The following F13B variants were observed in gnomAD, a reference collection of about 807,000 sequenced individuals.
F13B encodes the protein TGase.
In F13B, 58 loss-of-function variants were observed where a neutral mutation model predicts 79.8. The observed-to-expected ratio is 0.73, with a 90% CI of 0.59 to 0.90. The LOEUF is 0.90. F13B is among the 40% of genes least tolerant of loss of function. The pLI, the probability that F13B is intolerant of heterozygous loss-of-function variation, is 0.00. For synonymous variants in F13B, 283 were observed against 260.3 expected, an observed-to-expected ratio of 1.09 and a Z score of -0.84; for missense variants, 773 against 777.0, an observed-to-expected ratio of 0.99 and a Z score of 0.06.
chr1:197,061,699 A>G, intron 3 of F13B, 85 bp downstream of exon 3: 1 of 1,084,570 alleles, frequency 9.2e-7, no homozygotes, highest in African/African-American at 1.6e-5. Flanking sequence ...ATTCTATTAA[A>G]TAATAGATAT....
chr1:197,039,236 G>T lies in F13B; in HGVS notation c.*142C>A. 2 of 678,910 alleles carry T rather than the reference G, an allele frequency of 2.9e-6. No individual in the cohort carries two copies. The highest frequency in any genetic ancestry group is 5.1e-6 in the Non-Finnish European group (2 of 394,510). The allele number at this position is 678,910 out of a possible 1,614,324, so 42.1% of individuals were successfully genotyped here. On this transcript the variant is annotated 3_prime_UTR_variant, in exon 12 of 12. Coordinates refer to ENST00000367412, the MANE Select transcript of F13B (RefSeq NM_001994.3). ...TTATTGGTTTTCATTTATAAATAAC[G>T]AAATGTTCAGCACAAATAATTTAGA... is the stretch of plus-strand genomic sequence containing the variant.
intron 5 of F13B, among the ~76,000 whole-genome samples, chr1:197,058,830 G>T (rs1382560350): frequency 6.6e-6 from 1 of 151,964 alleles, no homozygotes; most frequent in Non-Finnish European, 1.5e-5. Context: ...TATTGTTGTG[G>T]GCTGAATTAT....
At chr1:197,063,204 G>T in intron 1 of F13B, 147 bp from the exon 2 acceptor site, 1 of 671,884 alleles carries the variant, frequency 1.5e-6, no homozygotes. Context: ...GTACTTTTGT[G>T]ACAACTCAAG....
At chr1:197,063,080 T>C in intron 1 of F13B, 23 bp from the exon 2 acceptor site, 1 of 1,594,876 alleles carries the variant, frequency 6.3e-7, no homozygotes, top group Non-Finnish European at 8.6e-7. Context: ...AATGTCAAGC[T>C]GAAAATGGAA....
chr1:197,039,319 T>C lies in F13B; in HGVS notation c.*59A>G. 4 of 1,410,180 alleles carry C rather than the reference T, an allele frequency of 2.8e-6. No homozygotes were observed. The highest frequency in any genetic ancestry group is 4.0e-6 in the Non-Finnish European group (4 of 1,004,094). The allele number at this position is 1,410,180 out of a possible 1,614,324, so 87.4% of individuals were successfully genotyped here. On this transcript the variant is annotated 3_prime_UTR_variant, in exon 12 of 12. Coordinates refer to ENST00000367412, the MANE Select transcript of F13B (RefSeq NM_001994.3). ...TTTTTAACTTATTTCCTCAAAATTATATTTTATAAGGAATTTCATGATGTA... is the reference window on the plus strand; with the variant it reads ...TTTTTAACTTATTTCCTCAAAATTACATTTTATAAGGAATTTCATGATGTA...
At chr1:197,043,176 T>C (rs1441652424) in intron 10 of F13B, among the ~76,000 whole-genome samples, 2 of 152,084 alleles carry the variant, frequency 1.3e-5, no homozygotes, top group African/African-American at 4.8e-5. Context: ...CTCCCAGTAA[T>C]ATCAGAGACA....
At chr1:197,058,722 T>G (rs1223744355) in intron 5 of F13B, among the ~76,000 whole-genome samples, 2 of 152,172 alleles carry the variant, frequency 1.3e-5, no homozygotes, top group African/African-American at 4.8e-5. Flanking sequence ...CAAAGTGTCT[T>G]GTACCGTGTA....
At chr1:197,048,323 A>C (rs895039942) in intron 10 of F13B, among the ~76,000 whole-genome samples, 1 of 151,870 alleles carries the variant, frequency 6.6e-6, no homozygotes, top group African/African-American at 2.4e-5. Flanking sequence ...CTATTCCATT[A>C]CAAGGGAAAA....
Position 197,055,711 on chromosome 1 carries a change from T to C in F13B, c.1354+4A>G. 2 of 1,613,376 alleles carry C rather than the reference T, an allele frequency of 1.2e-6. No homozygotes were observed. The highest frequency in any genetic ancestry group is 1.7e-6 in the Non-Finnish European group (2 of 1,179,532). ...GTAGACATTCCATGTGTTCTCTTTC[T>C]TACCCAAGCAAACAGGTGGGGATGA... On this transcript the variant is annotated splice_donor_region_variant and intron_variant, in intron 8 of 11. Transcript: ENST00000367412.
At chr1:197,058,397 A>C (rs1240182605) in intron 5 of F13B, among the ~76,000 whole-genome samples, 3 of 152,182 alleles carry the variant, frequency 2.0e-5, no homozygotes, top group African/African-American at 7.2e-5. Context: ...ATCCTCCTAC[A>C]GTCCTAGAGG....
At chr1:197,053,140 T>C (rs1418447825) in intron 8 of F13B, among the ~76,000 whole-genome samples, 1 of 152,070 alleles carries the variant, frequency 6.6e-6, no homozygotes, top group Non-Finnish European at 1.5e-5. Context: ...TTAACTACCA[T>C]GTAGAAAATA....
chr1:197,060,207 A>C (rs908828690), intron 5 of F13B, among the ~76,000 whole-genome samples, 159 bp downstream of exon 5: 1 of 152,042 alleles, frequency 6.6e-6, no homozygotes, highest in Admixed American at 6.6e-5. Context: ...GATATATTAA[A>C]GATTGCTGAA....
In F13B at chr1:197,040,684, T is replaced by G. The variant is rs1655007979; in HGVS notation, c.1790A>C (p.Lys597Thr). Residue 597 changes from lysine (K) to threonine (T), a missense_variant, in exon 11 of 12, where the codon AAA becomes ACA. Lys to Thr is a moderately conservative substitution (Grantham distance 78). Coordinates refer to ENST00000367412, the MANE Select transcript of F13B (RefSeq NM_001994.3). Reference sequence around the variant, plus strand: ...GTGTGGTCTATTGTCAAAATCCCATTTCAGAAGTAAATTATTCTTTTCCAT... The same window carrying G: ...GTGTGGTCTATTGTCAAAATCCCATGTCAGAAGTAAATTATTCTTTTCCAT... ...TEMEKNNLLL[K>T]WDFDNRPHIL... 2 of 1,612,914 alleles carry G rather than the reference T, an allele frequency of 1.2e-6. No homozygotes were observed. The highest frequency in any genetic ancestry group is 1.7e-6 in the Non-Finnish European group (2 of 1,179,260).
intron 10 of F13B, among the ~76,000 whole-genome samples, chr1:197,044,208 G>A (rs950970002): frequency 2.0e-5 from 3 of 152,066 alleles, no homozygotes; most frequent in African/African-American, 7.2e-5. Context: ...GCCACCGACA[G>A]ACCAGGAGAT....
At chr1:197,051,669 G>T (rs1035721060) in intron 9 of F13B, among the ~76,000 whole-genome samples, 3 of 152,072 alleles carry the variant, frequency 2.0e-5, no homozygotes, top group Non-Finnish European at 4.4e-5. Flanking sequence ...AGGTATATAT[G>T]CTGATTGAAG....
chr1:197,061,961 T>G lies in F13B; in HGVS notation c.274A>C (p.Thr92Pro). Residue 92 changes from threonine (T) to proline (P), a missense_variant, in exon 3 of 12, where the codon ACT becomes CCT. Transcript: ENST00000367412. Reference sequence around the variant, plus strand: ...TAACCATTACTCAGGTCAGGCTTAGTGCATTTTTCTATGGGAAAAAAAATT... The same window carrying G: ...TAACCATTACTCAGGTCAGGCTTAGGGCATTTTTCTATGGGAAAAAAAATT... ...SPEPRCFKKC[T>P]KPDLSNGYIS... is the part of the protein sequence containing the mutation. 1 of 1,611,800 alleles carries G rather than the reference T, an allele frequency of 6.2e-7. No homozygotes were observed. The highest frequency in any genetic ancestry group is 8.5e-7 in the Non-Finnish European group (1 of 1,178,594).
chr1:197,061,202 T>C (rs370204776), intron 3 of F13B, 127 bp from the exon 4 acceptor site: 15 of 517,572 alleles, frequency 2.9e-5, no homozygotes, highest in Non-Finnish European at 4.5e-5. Context: ...AATTGAAAAA[T>C]AGCCCCAATT....
Position 197,052,829 on chromosome 1 carries a change from A to G in F13B, c.1360T>C (p.Cys454Arg). Reference protein sequence around the residue: ...WSSPPVCLEPCTVNVDYMNRN... With the variant: ...WSSPPVCLEPRTVNVDYMNRN... ...TTCATGTAATCCACATTAACAGTAC[A>G]TGGTTCTGTAAAACAAAATGCTCTT... The change falls in exon 9 of 12, where the codon TGT becomes CGT. Residue 454 changes from cysteine to arginine, a missense_variant. Physicochemically the swap from Cys to Arg is radical, Grantham distance 180. Transcript: ENST00000367412. 1.9e-6 allele frequency: 3 copies of G among 1,606,454 alleles called. No individual in the cohort carries two copies. Among genetic ancestry groups the G allele is most frequent in the Non-Finnish European group, 2.6e-6 (3 of 1,175,584 alleles).
chr1:197,053,538 C>A (rs1350990842), intron 8 of F13B, among the ~76,000 whole-genome samples: 3 of 152,122 alleles, frequency 2.0e-5, no homozygotes, highest in Non-Finnish European at 2.9e-5. Flanking sequence ...GAGGCCTCCC[C>A]AGCCATGTGG....
Sources: gnomAD v4.1 joint callset for allele counts (sites outside exome capture counted in the v4.1 genomes callset) on GRCh38, gnomAD v4.1.1 for gene constraint, MANE v1.5 for transcripts, NCBI Gene and HGNC (gene_info 2026-07-23, HGNC 2026-07-21) for gene names.